ATM: variants seen among roughly 807,000 people sequenced by gnomAD.
ATM encodes ATM serine/threonine kinase.
Under a neutral mutation model 387.0 loss-of-function variants are expected in ATM, and 308 were observed. That is an observed-to-expected ratio of 0.80 (90% CI 0.73 to 0.87). The LOEUF (loss-of-function observed/expected upper bound fraction) is 0.87, where lower values mean the gene tolerates loss of function less well. ATM is among the 40% of genes least tolerant of loss of function. The probability of loss-of-function intolerance (pLI) is 0.00; values close to 1 mark genes in which losing one functional copy is unlikely to be tolerated. For missense variants in ATM, 3,312 were observed against 3,560.9 expected (o/e 0.93, Z 1.78); for synonymous variants, 1,156 against 1,187.3 (o/e 0.97, Z 0.54).
rs1057523569 is a variant in ATM at position 108,245,033 on chromosome 11, A to G, written c.901+7A>G. On this transcript the variant is annotated splice_region_variant and intron_variant, in intron 7 of 62. Coordinates refer to ENST00000675843, the MANE Select transcript of ATM (RefSeq NM_000051.4). ...GCCAAAACCCAAGAAAAAGGTATAA[A>G]GGAAATGTTTACTGTTTTGAATTTG... 4.4e-6 allele frequency: 7 copies of G among 1,591,856 alleles called. No individual in the cohort carries two copies. Among genetic ancestry groups the G allele is most frequent in the African/African-American group, 1.3e-5 (1 of 74,574 alleles).
At chr11:108,317,672 C>T (rs1380563006) in intron 43 of ATM, 151 bp downstream of exon 43, 3 of 228,318 alleles carry the variant, frequency 1.3e-5, no homozygotes, top group Non-Finnish European at 2.3e-5. Flanking sequence ...CACACACACA[C>T]ACTATATATA....
At chr11:108,359,744 C>G (rs1427470809) in intron 61 of ATM, among the ~76,000 whole-genome samples, 2 of 151,966 alleles carry the variant, frequency 1.3e-5, no homozygotes, top group African/African-American at 4.8e-5. Context: ...TTCTTTGAAA[C>G]CAACGAGAAC....
At chr11:108,232,324 C>G (rs370956697) in intron 4 of ATM, among the ~76,000 whole-genome samples, 3 of 151,944 alleles carry the variant, frequency 2.0e-5, no homozygotes, top group Admixed American at 2.0e-4. Flanking sequence ...TTCCCTCACC[C>G]CACTTCAGTT....
At chr11:108,246,561 G>A (rs539136431) in intron 7 of ATM, among the ~76,000 whole-genome samples, 9 of 152,346 alleles carry the variant, frequency 5.9e-5, no homozygotes, top group Non-Finnish European at 1.0e-4. Context: ...GACTGAAATG[G>A]TGAGAAGTCT....
chr11:108,233,960 TATA>T (rs1297807085), intron 4 of ATM, among the ~76,000 whole-genome samples: 2 of 152,252 alleles, frequency 1.3e-5, no homozygotes, highest in East Asian at 1.9e-4. Flanking sequence ...AGGATTTTAT[TATA>T]ATATTAATTT....
intron 56 of ATM, among the ~76,000 whole-genome samples, chr11:108,341,624 A>G (rs1009202414): frequency 3.3e-5 from 5 of 152,206 alleles, no homozygotes; most frequent in African/African-American, 1.2e-4. Context: ...ATAGAACTAA[A>G]GACACCATAA....
At position 108,257,582 on chromosome 11, in the gene ATM, A is replaced by T. The variant is rs759679953; in HGVS notation, c.2352A>T (p.Thr784=). The T allele has an allele frequency of 1.2e-6, 2 of 1,613,940 alleles. No individual in the cohort carries two copies. Among genetic ancestry groups the T allele is most frequent in the Non-Finnish European group, 1.7e-6 (2 of 1,180,034 alleles). ...TGAGAAATATGATGCAGCTATGTACACGTTGCTTGAGCAACTGTACCAAGG... is the reference window on the plus strand; with the variant it reads ...TGAGAAATATGATGCAGCTATGTACTCGTTGCTTGAGCAACTGTACCAAGG... ...GSLRNMMQLC[T]RCLSNCTKKS... The change falls in exon 15 of 63, where the codon ACA becomes ACT. Residue 784 remains threonine (T), a synonymous_variant. Coordinates refer to ENST00000675843, the MANE Select transcript of ATM (RefSeq NM_000051.4).
In ATM at chr11:108,253,937, C is replaced by T. The variant is rs2080306836; in HGVS notation, c.2022C>T (p.His674=). Residue 674 remains histidine (H), a synonymous_variant, in exon 13 of 63, where the codon CAC becomes CAT. Coordinates refer to ENST00000675843, the MANE Select transcript of ATM (RefSeq NM_000051.4). ...TIVRECGIEK[H]QSSIGFSVHQ... is the part of the protein sequence containing the mutation. The stretch of plus-strand genomic sequence containing the variant: ...TGAGAGAATGTGGTATAGAAAAGCA[C>T]CAGTCCAGTATTGGCTTCTCTGTCC... The T allele has an allele frequency of 2.5e-6, 4 of 1,614,058 alleles. No homozygotes were observed. The highest frequency in any genetic ancestry group is 3.4e-6 in the Non-Finnish European group (4 of 1,179,988).
chr11:108,363,838 A>T (rs1423758685), intron 61 of ATM, among the ~76,000 whole-genome samples: 1 of 152,062 alleles, frequency 6.6e-6, no homozygotes, highest in African/African-American at 2.4e-5. Context: ...AGTAATTTAG[A>T]TTTTTCTTCT....
At chr11:108,288,104 C>T (rs2082592580) in intron 27 of ATM, among the ~76,000 whole-genome samples, 1 of 151,490 alleles carries the variant, frequency 6.6e-6, no homozygotes, top group Non-Finnish European at 1.5e-5. Context: ...GAGTCTCACT[C>T]TGTTGCCCTG....
intron 1 of ATM, chr11:108,226,288 A>G (rs532551990): frequency 6.6e-6 from 1 of 152,026 alleles, no homozygotes; most frequent in African/African-American, 2.4e-5. Flanking sequence ...TTCAAGCCAT[A>G]CCTCCCTTTC....
At chr11:108,342,966 T>C (rs1386428387) in intron 56 of ATM, among the ~76,000 whole-genome samples, 1 of 152,114 alleles carries the variant, frequency 6.6e-6, no homozygotes, top group Non-Finnish European at 1.5e-5. Context: ...TTAACAGGAG[T>C]GACCTCTCAG....
chr11:108,250,726 TCAAAGTATCCTG>T lies in ATM; in HGVS notation c.1265_1276del (p.Lys422_Ala425del), dbSNP rs749937005. On this transcript the variant is annotated inframe_deletion, in exon 10 of 63. Coordinates refer to ENST00000675843, the MANE Select transcript of ATM (RefSeq NM_000051.4). Reference sequence around the variant, plus strand: ...GCTACAGATTGCAACCCAATTAATATCAAAGTATCCTGCAAGTTTACCTAACTGTGAGCTGTC... The same window carrying T: ...GCTACAGATTGCAACCCAATTAATATCAAGTTTACCTAACTGTGAGCTGTC... The T allele has an allele frequency of 6.2e-7, 1 of 1,604,650 alleles. No individual in the cohort carries two copies. The highest frequency in any genetic ancestry group is 8.5e-7 in the Non-Finnish European group (1 of 1,176,440).
Position 108,244,127 on chromosome 11 carries a change from ATC to A in ATM, c.662+13_662+14del, listed in dbSNP as rs1064795370. The A allele has an allele frequency of 1.2e-6, 2 of 1,613,430 alleles. No homozygotes were observed. Among genetic ancestry groups the A allele is most frequent in the African/African-American group, 1.3e-5 (1 of 74,874 alleles). On this transcript the variant is annotated intron_variant, in intron 6 of 62. Coordinates refer to ENST00000675843, the MANE Select transcript of ATM (RefSeq NM_000051.4). ...GCTATTCAGTGTGCGAGGTAATCTA[ATC>A]TCTTTTTCTTTTGTTTTGTATTGAA...
chr11:108,354,041 C>A (rs2089552056), intron 60 of ATM, among the ~76,000 whole-genome samples, 161 bp downstream of exon 60: 1 of 146,942 alleles, frequency 6.8e-6, no homozygotes, highest in Non-Finnish European at 1.5e-5. Flanking sequence ...TACAGCAAGA[C>A]CCTGTATCTA....
intron 16 of ATM, among the ~76,000 whole-genome samples, chr11:108,262,448 C>T (rs2080956006): frequency 6.6e-6 from 1 of 152,172 alleles, no homozygotes; most frequent in South Asian, 2.1e-4. Context: ...GATTTTGTCA[C>T]CACCAGGCCT....
intron 50 of ATM, chr11:108,331,163 T>C: frequency 8.9e-7 from 1 of 1,124,516 alleles, no homozygotes; most frequent in Non-Finnish European, 1.1e-6. Flanking sequence ...ACATTTGTCT[T>C]CCTTAGATTT....
chr11:108,229,038 T>C, intron 3 of ATM, 140 bp from the exon 4 acceptor site: 1 of 783,340 alleles, frequency 1.3e-6, no homozygotes, highest in Non-Finnish European at 2.1e-6. Flanking sequence ...TTAATTGTTT[T>C]ATTTGTTTTT....
chr11:108,327,570 T>TC lies in ATM; in HGVS notation c.6976-71dup, dbSNP rs34424462. 2,559 of 1,239,718 alleles carry TC rather than the reference T, an allele frequency of 2.1e-3. 46 individuals are homozygous for TC. In the African/African-American group the frequency reaches 0.034, roughly 17 times the overall value. 76.8% of individuals were successfully genotyped at this position (1,239,718 alleles called of 1,614,324 possible). A position where few individuals can be genotyped will look rare whatever the true frequency, so the allele number is the denominator to read the frequency against. On this transcript the variant is annotated intron_variant, in intron 47 of 62. Transcript: ENST00000675843. ...GAAAAACATTTTTAACCTGCTTTTTTCCCCGTACATGAAGGGCAGTTGGGT... is the reference window on the plus strand; with the variant it reads ...GAAAAACATTTTTAACCTGCTTTTTTCCCCCGTACATGAAGGGCAGTTGGGT...
Sources: allele counts gnomAD v4.1 joint callset (sites outside exome capture counted in the v4.1 genomes callset), GRCh38; gene constraint gnomAD v4.1.1; transcripts MANE v1.5; gene names NCBI Gene and HGNC (gene_info 2026-07-23, HGNC 2026-07-21).